ROBO2: variants seen among roughly 807,000 people sequenced by gnomAD.
ROBO2 encodes roundabout guidance receptor 2.
A neutral mutation model predicts 160.8 loss-of-function variants in ROBO2; 53 were observed. The observed-to-expected ratio is 0.33, with a 90% CI of 0.26 to 0.41. The LOEUF is 0.41. Among genes scored for constraint, ROBO2 ranks in the 10% least tolerant of loss-of-function variants. The pLI, the probability that ROBO2 is intolerant of heterozygous loss-of-function variation, is 1.00. For missense variants in ROBO2, 1,577 were observed against 1,722.4 expected (o/e 0.92, Z 1.49); for synonymous variants, 664 against 611.7 (o/e 1.09, Z -1.26).
chr3:77,386,603 A>ATTTTTTTTTTTGTTTTTTTTTTTT (rs2074127350), intron 2 of ROBO2, among the ~76,000 whole-genome samples: 1 of 91,896 alleles, frequency 1.1e-5, no homozygotes, highest in East Asian at 4.0e-4. Context: ...CAGCCAGGTA[A>ATTTTTTTTTTTGTTTTTTTTTTTT]TTTTTTTTTT....
chr3:77,527,716 A>G (rs971495689), intron 6 of ROBO2, among the ~76,000 whole-genome samples: 1 of 151,568 alleles, frequency 6.6e-6, no homozygotes, highest in Non-Finnish European at 1.5e-5. Flanking sequence ...TTAGGATACA[A>G]TAAGAAAGCA....
At chr3:76,485,368 G>A (rs1420267391) in intron 2 of ROBO2, among the ~76,000 whole-genome samples, 9 of 152,014 alleles carry the variant, frequency 5.9e-5, no homozygotes, top group African/African-American at 7.2e-5. Flanking sequence ...TAATGCTGCC[G>A]CTAATCTGAC....
At chr3:76,260,002 C>T (rs936082616) in intron 2 of ROBO2, among the ~76,000 whole-genome samples, 1 of 152,088 alleles carries the variant, frequency 6.6e-6, no homozygotes, top group Non-Finnish European at 1.5e-5. Context: ...AAATGGTAGA[C>T]AATAGAGATC....
intron 2 of ROBO2, among the ~76,000 whole-genome samples, chr3:76,011,927 G>C (rs577269588): frequency 6.6e-6 from 1 of 152,150 alleles, no homozygotes; most frequent in South Asian, 2.1e-4. Flanking sequence ...CAGCAGTATA[G>C]CCCAGTGACT....
intron 23 of ROBO2, chr3:77,631,019 T>A (rs1473041282): frequency 6.6e-6 from 1 of 151,076 alleles, no homozygotes; most frequent in Non-Finnish European, 1.5e-5. Context: ...TTCTTTCATT[T>A]TGGATCGTTG....
At chr3:77,324,850 C>T (rs1416944600) in intron 2 of ROBO2, among the ~76,000 whole-genome samples, 2 of 149,546 alleles carry the variant, frequency 1.3e-5, no homozygotes, top group Non-Finnish European at 3.0e-5. Flanking sequence ...TTTAAACTAG[C>T]GCGTGTTTCC....
chr3:76,540,684 A>G (rs1203529369), intron 2 of ROBO2, among the ~76,000 whole-genome samples: 1 of 152,208 alleles, frequency 6.6e-6, no homozygotes, highest in African/African-American at 2.4e-5. Flanking sequence ...CATTTGCCTT[A>G]TTCTCTATGA....
intron 2 of ROBO2, among the ~76,000 whole-genome samples, chr3:76,750,698 G>C (rs2093970301): frequency 6.6e-6 from 1 of 152,038 alleles, no homozygotes; most frequent in Admixed American, 6.6e-5. Flanking sequence ...ATTCACAATT[G>C]CTTCAAAGAG....
intron 2 of ROBO2, among the ~76,000 whole-genome samples, chr3:76,829,140 T>G (rs1335259744): frequency 6.6e-6 from 1 of 152,140 alleles, no homozygotes; most frequent in South Asian, 2.1e-4. Flanking sequence ...GTAAGTCACC[T>G]GCTTTTTCTT....
intron 2 of ROBO2, among the ~76,000 whole-genome samples, chr3:76,800,085 AT>A (rs2064082793): frequency 6.6e-6 from 1 of 152,212 alleles, no homozygotes; most frequent in Non-Finnish European, 1.5e-5. Flanking sequence ...AAGTGAACTC[AT>A]TTTTGACAAA....
chr3:77,195,094 A>G (rs147103910), intron 2 of ROBO2, among the ~76,000 whole-genome samples: 197 of 152,266 alleles, frequency 1.3e-3, no homozygotes, highest in Non-Finnish European at 2.1e-3. Context: ...TCAGTGCCTA[A>G]CCACCCCTTC....
intron 1 of ROBO2, among the ~76,000 whole-genome samples, chr3:77,045,224 T>A (rs1337823193): frequency 2.6e-5 from 4 of 152,202 alleles, no homozygotes; most frequent in Non-Finnish European, 5.9e-5. Flanking sequence ...TATACAATGA[T>A]AGAAGCATAT....
chr3:76,330,334 A>G (rs1459824476), intron 2 of ROBO2, among the ~76,000 whole-genome samples: 1 of 152,194 alleles, frequency 6.6e-6, no homozygotes, highest in Non-Finnish European at 1.5e-5. Flanking sequence ...ACATTATGAT[A>G]TTTTTGGAAA....
chr3:76,454,868 A>C (rs2077670769), intron 2 of ROBO2, among the ~76,000 whole-genome samples: 1 of 152,134 alleles, frequency 6.6e-6, no homozygotes, highest in Admixed American at 6.6e-5. Flanking sequence ...TATTTCTTTA[A>C]GGAATTTATT....
At chr3:76,140,011 A>G (rs1334697718) in intron 2 of ROBO2, among the ~76,000 whole-genome samples, 1 of 152,138 alleles carries the variant, frequency 6.6e-6, no homozygotes, top group African/African-American at 2.4e-5. Flanking sequence ...TATTTGATAA[A>G]TGAAATTGGT....
chr3:76,139,755 G>A (rs1292015806), intron 2 of ROBO2, among the ~76,000 whole-genome samples: 1 of 151,976 alleles, frequency 6.6e-6, no homozygotes, highest in Non-Finnish European at 1.5e-5. Flanking sequence ...TGTCTGCATC[G>A]AGGAACCAAT....
chr3:76,875,090 G>A (rs902371779), intron 2 of ROBO2, among the ~76,000 whole-genome samples: 9 of 152,260 alleles, frequency 5.9e-5, no homozygotes, highest in Non-Finnish European at 1.2e-4. Context: ...TCATAAATGG[G>A]ATTAAGGCCC....
At chr3:76,429,168 A>C (rs57289126) in intron 2 of ROBO2, among the ~76,000 whole-genome samples, 3 of 148,984 alleles carry the variant, frequency 2.0e-5, no homozygotes, top group Non-Finnish European at 4.5e-5. Context: ...CAGTGGGCGC[A>C]CACACACACA....
intron 2 of ROBO2, among the ~76,000 whole-genome samples, chr3:76,438,151 A>G (rs1227010069): frequency 2.6e-5 from 4 of 152,112 alleles, no homozygotes; most frequent in African/African-American, 9.7e-5. Context: ...TTGAGAAAAA[A>G]TTTATATTCT....
Sources: gnomAD v4.1 joint callset for allele counts (sites outside exome capture counted in the v4.1 genomes callset) on GRCh38, gnomAD v4.1.1 for gene constraint, MANE v1.5 for transcripts, NCBI Gene and HGNC (gene_info 2026-07-23, HGNC 2026-07-21) for gene names.